IMMP2L: variants seen among roughly 807,000 people sequenced by gnomAD.
The protein encoded by IMMP2L is inner mitochondrial membrane peptidase subunit 2, also known as mitochondrial inner membrane protease subunit 2.
A neutral mutation model predicts 19.3 loss-of-function variants in IMMP2L; 18 were observed. The observed-to-expected ratio is 0.93, with a 90% CI of 0.64 to 1.38. The LOEUF (loss-of-function observed/expected upper bound fraction) is 1.38, where lower values mean the gene tolerates loss of function less well. IMMP2L is among the 40% of genes most tolerant of loss of function. The probability of loss-of-function intolerance (pLI) is 0.00; values close to 1 mark genes in which losing one functional copy is unlikely to be tolerated. For synonymous variants in IMMP2L, 76 were observed against 73.0 expected, an observed-to-expected ratio of 1.04 and a Z score of -0.21; for missense variants, 233 against 218.2, an observed-to-expected ratio of 1.07 and a Z score of -0.43.
chr7:110,724,318 G>A (rs559243863), intron 5 of IMMP2L: 1 of 152,286 alleles, frequency 6.6e-6, no homozygotes, highest in Non-Finnish European at 1.5e-5. Context: ...GCTAGATCCT[G>A]CCCTATATAT....
chr7:111,556,430 T>G (rs1171321622), intron 1 of IMMP2L, among the ~76,000 whole-genome samples: 1 of 152,072 alleles, frequency 6.6e-6, no homozygotes, highest in African/African-American at 2.4e-5. Context: ...ATATACACAA[T>G]AAAATGTATT....
At chr7:110,959,704 G>T (rs1818729263) in intron 4 of IMMP2L, among the ~76,000 whole-genome samples, 1 of 151,832 alleles carries the variant, frequency 6.6e-6, no homozygotes, top group Non-Finnish European at 1.5e-5. Context: ...ATTTTTCATT[G>T]CTACATGATA....
At chr7:111,239,917 A>C (rs1379621933) in intron 3 of IMMP2L, among the ~76,000 whole-genome samples, 1 of 151,942 alleles carries the variant, frequency 6.6e-6, no homozygotes, top group Non-Finnish European at 1.5e-5. Context: ...AGTGTTTTAA[A>C]GGTGTTCTAT....
chr7:111,095,521 C>T (rs10270683), intron 3 of IMMP2L, among the ~76,000 whole-genome samples: 106,327 of 151,828 alleles, frequency 0.7, 39,710 homozygotes, highest in East Asian at 0.84. Context: ...ATAGAAGCAA[C>T]GATTTATTAA....
chr7:111,071,231 A>G (rs1201292571), intron 3 of IMMP2L, among the ~76,000 whole-genome samples: 3 of 152,138 alleles, frequency 2.0e-5, no homozygotes, highest in Admixed American at 6.5e-5. Context: ...AAAACAAAAA[A>G]TAAAGACTAC....
chr7:111,476,390 T>C lies in IMMP2L; in HGVS notation c.239+10848A>G, dbSNP rs150108201. Among the ~76,000 whole-genome samples, 296 of 152,338 alleles carry C rather than the reference T, an allele frequency of 1.9e-3. 1 individual carries two copies. Among genetic ancestry groups the C allele is most frequent in the Non-Finnish European group, 3.2e-3 (216 of 68,018 alleles). ...TTGTAAAAGTACATTTCCTTGTACA[T>C]AGTAAACGTGGTTTTAGAACTGTTT... is the stretch of plus-strand genomic sequence containing the variant. On this transcript the variant is annotated intron_variant, in intron 3 of 5. Transcript: ENST00000405709.
At chr7:111,254,959 C>T (rs1816545402) in intron 3 of IMMP2L, among the ~76,000 whole-genome samples, 1 of 152,060 alleles carries the variant, frequency 6.6e-6, no homozygotes, top group Non-Finnish European at 1.5e-5. Context: ...ATGTAATTAA[C>T]ATAATGCAGA....
chr7:111,289,105 C>T (rs540791102), intron 3 of IMMP2L, among the ~76,000 whole-genome samples: 3 of 152,170 alleles, frequency 2.0e-5, no homozygotes, highest in South Asian at 4.1e-4. Context: ...AGGATGAGTT[C>T]GTGTCCTTTG....
intron 3 of IMMP2L, among the ~76,000 whole-genome samples, chr7:111,159,632 T>C (rs760510305): frequency 6.6e-6 from 1 of 152,162 alleles, no homozygotes; most frequent in Admixed American, 6.5e-5. Flanking sequence ...AGGCCTGTGT[T>C]TTGTTTCTAA....
chr7:110,993,164 C>T (rs1383512107), intron 3 of IMMP2L, among the ~76,000 whole-genome samples: 1 of 152,086 alleles, frequency 6.6e-6, no homozygotes, highest in Non-Finnish European at 1.5e-5. Context: ...TCCTGCCTTT[C>T]AACCTATGCC....
chr7:111,249,594 A>T (rs1322946218), intron 3 of IMMP2L, among the ~76,000 whole-genome samples: 1 of 152,202 alleles, frequency 6.6e-6, no homozygotes. Flanking sequence ...AAGGAAAGAA[A>T]ACTATCCATT....
At chr7:111,374,317 G>A (rs1041272860) in intron 3 of IMMP2L, among the ~76,000 whole-genome samples, 1 of 152,012 alleles carries the variant, frequency 6.6e-6, no homozygotes, top group Admixed American at 6.6e-5. Flanking sequence ...TCATTCTGTA[G>A]CTAGTAAAGT....
Position 111,521,389 on chromosome 7 carries a change from A to G in IMMP2L, c.59T>C (p.Phe20Ser). The G allele has an allele frequency of 6.2e-7, 1 of 1,613,310 alleles. No individual in the cohort carries two copies. Among genetic ancestry groups the G allele is most frequent in the Non-Finnish European group, 8.5e-7 (1 of 1,179,470 alleles). ...RYIKAFCKGFFVAVPVAVTFL... is the reference protein window; with the variant it reads ...RYIKAFCKGFSVAVPVAVTFL... ...AGTCACTGCCACAGGCACCGCCACA[A>G]AGAAGCCTTTACAAAAGGCCTTGAT... Residue 20 changes from phenylalanine (F) to serine (S), a missense_variant, in exon 2 of 6, where the codon TTT becomes TCT. Physicochemically the swap from Phe to Ser is radical, Grantham distance 155. Coordinates refer to ENST00000405709, the MANE Select transcript of IMMP2L (RefSeq NM_032549.4).
chr7:111,438,459 C>T (rs1023835063), intron 3 of IMMP2L, among the ~76,000 whole-genome samples: 1 of 151,732 alleles, frequency 6.6e-6, no homozygotes, highest in African/African-American at 2.4e-5. Flanking sequence ...CCAAACATAG[C>T]TCTTTTTATA....
chr7:110,778,353 A>C (rs1046102084), intron 5 of IMMP2L, among the ~76,000 whole-genome samples: 1 of 151,986 alleles, frequency 6.6e-6, no homozygotes, highest in Non-Finnish European at 1.5e-5. Context: ...TCTTCAACTT[A>C]AGGAACATGT....
intron 2 of IMMP2L, among the ~76,000 whole-genome samples, chr7:111,508,363 TAAAAAAAGAACATAATTATA>T (rs1845129972): frequency 2.0e-5 from 3 of 151,732 alleles, no homozygotes; most frequent in African/African-American, 7.3e-5. Context: ...ACTTAAAAAT[TAAAAAAAGAACATAATTATA>T]AAATGATATA....
intron 3 of IMMP2L, among the ~76,000 whole-genome samples, chr7:111,347,524 G>A (rs751465827): frequency 4.6e-5 from 7 of 152,014 alleles, no homozygotes; most frequent in Non-Finnish European, 8.8e-5. Flanking sequence ...GGGCAGAAGA[G>A]AGAATGGATA....
intron 4 of IMMP2L, among the ~76,000 whole-genome samples, chr7:110,904,766 C>G (rs912469680): frequency 1.3e-5 from 2 of 152,172 alleles, no homozygotes; most frequent in African/African-American, 4.8e-5. Flanking sequence ...CTTTACAGCT[C>G]TAGTGCATCT....
At chr7:111,360,925 T>C (rs931707858) in intron 3 of IMMP2L, among the ~76,000 whole-genome samples, 2 of 152,110 alleles carry the variant, frequency 1.3e-5, no homozygotes, top group African/African-American at 2.4e-5. Context: ...TTTATGTTGA[T>C]ACATAATAAA....
Sources: gnomAD v4.1 joint callset for allele counts (sites outside exome capture counted in the v4.1 genomes callset) on GRCh38, gnomAD v4.1.1 for gene constraint, MANE v1.5 for transcripts, NCBI Gene and HGNC (gene_info 2026-07-23, HGNC 2026-07-21) for gene names.